GRID1: variants seen among roughly 807,000 people sequenced by gnomAD.
GRID1 encodes the protein glutamate ionotropic receptor delta type subunit 1.
GRID1 carries 28 observed loss-of-function variants against 98.0 expected under a neutral mutation model. The observed-to-expected ratio is 0.29, with a 90% confidence interval of 0.21 to 0.39. The LOEUF (loss-of-function observed/expected upper bound fraction) is 0.39. GRID1 is among the 10% of genes least tolerant of loss of function. The pLI is 1.00. For synonymous variants in GRID1, 553 were observed against 538.5 expected, an observed-to-expected ratio of 1.03 and a Z score of -0.37; for missense variants, 1,111 against 1,340.5, an observed-to-expected ratio of 0.83 and a Z score of 2.67.
At chr10:86,136,104 C>T (rs1844920759) in intron 4 of GRID1, among the ~76,000 whole-genome samples, 1 of 152,188 alleles carries the variant, frequency 6.6e-6, no homozygotes, top group South Asian at 2.1e-4. Flanking sequence ...TTGTCCTTGT[C>T]ACAACAAAGA....
chr10:85,907,782 A>G (rs1185571715), intron 5 of GRID1, among the ~76,000 whole-genome samples: 1 of 152,204 alleles, frequency 6.6e-6, no homozygotes, highest in East Asian at 1.9e-4. Context: ...CAAAAATTTA[A>G]TGAATCAAAT....
intron 2 of GRID1, among the ~76,000 whole-genome samples, chr10:86,245,072 C>T (rs149027470): frequency 6.6e-4 from 100 of 152,336 alleles, no homozygotes; most frequent in Non-Finnish European, 1.1e-3. Flanking sequence ...CCTTTCTCCT[C>T]CTGAGGCGAT....
At chr10:85,874,909 G>A (rs1843313849) in intron 5 of GRID1, among the ~76,000 whole-genome samples, 1 of 151,932 alleles carries the variant, frequency 6.6e-6, no homozygotes, top group Non-Finnish European at 1.5e-5. Flanking sequence ...TCTGTCTCCT[G>A]GGCTGGAGTG....
At chr10:86,214,138 C>T (rs187221153) in intron 2 of GRID1, among the ~76,000 whole-genome samples, 16 of 152,292 alleles carry the variant, frequency 1.1e-4, no homozygotes, top group Admixed American at 3.9e-4. Flanking sequence ...ACAGTGCTGT[C>T]CCTGCTTAAA....
intron 5 of GRID1, among the ~76,000 whole-genome samples, chr10:85,897,721 AT>A (rs1319338967): frequency 6.6e-6 from 1 of 152,148 alleles, no homozygotes; most frequent in African/African-American, 2.4e-5. Context: ...TCCATTATCA[AT>A]TTTTTTGTGA....
At chr10:85,954,325 T>C (rs1188590971) in intron 4 of GRID1, among the ~76,000 whole-genome samples, 2 of 152,212 alleles carry the variant, frequency 1.3e-5, no homozygotes, top group Non-Finnish European at 2.9e-5. Flanking sequence ...TTCCAATTAT[T>C]GTATCCAGCA....
intron 3 of GRID1, among the ~76,000 whole-genome samples, chr10:86,152,345 C>A (rs990079832): frequency 1.3e-5 from 2 of 152,192 alleles, no homozygotes; most frequent in Non-Finnish European, 2.9e-5. Context: ...AGGAGGGATG[C>A]CAGAAAACCC....
chr10:86,317,775 C>G (rs1199900639), intron 2 of GRID1, among the ~76,000 whole-genome samples: 1 of 152,094 alleles, frequency 6.6e-6, no homozygotes, highest in Non-Finnish European at 1.5e-5. Flanking sequence ...TGGTCGCACT[C>G]TGTCATCCAG....
chr10:85,837,574 C>G (rs1842921860), intron 8 of GRID1, among the ~76,000 whole-genome samples: 1 of 151,648 alleles, frequency 6.6e-6, no homozygotes, highest in South Asian at 2.1e-4. Flanking sequence ...AGAAATAAAG[C>G]AAGTTAGTGA....
intron 13 of GRID1, among the ~76,000 whole-genome samples, chr10:85,628,963 G>C (rs1315735668): frequency 6.6e-6 from 1 of 152,158 alleles, no homozygotes; most frequent in Non-Finnish European, 1.5e-5. Flanking sequence ...CCTTAGCTTT[G>C]TCATGAAAGT....
chr10:86,357,936 C>T (rs112555777), intron 2 of GRID1, among the ~76,000 whole-genome samples: 2,389 of 152,288 alleles, frequency 0.016, 67 homozygotes, highest in African/African-American at 0.052. Context: ...TGTAGGTAGG[C>T]ATGGGCCTAG....
chr10:85,636,232 T>C (rs1843039698), intron 13 of GRID1, among the ~76,000 whole-genome samples: 1 of 152,210 alleles, frequency 6.6e-6, no homozygotes, highest in Non-Finnish European at 1.5e-5. Flanking sequence ...TGAAATAATA[T>C]ACTGTCCCAA....
chr10:86,293,305 T>C (rs1405332534), intron 2 of GRID1, among the ~76,000 whole-genome samples: 1 of 152,106 alleles, frequency 6.6e-6, no homozygotes, highest in Non-Finnish European at 1.5e-5. Flanking sequence ...TACCTCCCCA[T>C]GTCTTTCCCT....
intron 4 of GRID1, among the ~76,000 whole-genome samples, chr10:85,926,679 C>G (rs1268297855): frequency 6.6e-6 from 1 of 152,128 alleles, no homozygotes; most frequent in Non-Finnish European, 1.5e-5. Context: ...TGAAAAGGCC[C>G]CACCCACAGA....
At chr10:85,709,096 A>G in intron 12 of GRID1, 1 of 337,530 alleles carries the variant, frequency 3.0e-6, no homozygotes, top group Non-Finnish European at 6.0e-6. Context: ...CTGTTAAGGG[A>G]ATGACCCTGA....
intron 4 of GRID1, among the ~76,000 whole-genome samples, chr10:86,085,654 C>T (rs1464400982): frequency 1.3e-5 from 2 of 152,100 alleles, no homozygotes; most frequent in Admixed American, 1.3e-4. Flanking sequence ...TCCTTTATTT[C>T]CTGGTCACCA....
At chr10:86,316,292 C>T (rs571780338) in intron 2 of GRID1, among the ~76,000 whole-genome samples, 80 of 152,364 alleles carry the variant, frequency 5.3e-4, no homozygotes, top group African/African-American at 1.9e-3. Context: ...GCAGAGATCA[C>T]ATCACGCTCA....
At chr10:86,121,855 T>C (rs1844682481) in intron 4 of GRID1, among the ~76,000 whole-genome samples, 1 of 152,234 alleles carries the variant, frequency 6.6e-6, no homozygotes, top group Non-Finnish European at 1.5e-5. Flanking sequence ...AGGGCAGTGC[T>C]TGGATTCTAA....
At chr10:85,894,007 A>T (rs1841242694) in intron 5 of GRID1, among the ~76,000 whole-genome samples, 1 of 152,218 alleles carries the variant, frequency 6.6e-6, no homozygotes, top group Non-Finnish European at 1.5e-5. Context: ...GGTGAAAACG[A>T]CGTTTCAAAA....
Sources: allele counts gnomAD v4.1 joint callset (sites outside exome capture counted in the v4.1 genomes callset), GRCh38; gene constraint gnomAD v4.1.1; transcripts MANE v1.5; gene names NCBI Gene and HGNC (gene_info 2026-07-23, HGNC 2026-07-21).